Variants in ROBO1 observed in about 807,000 individuals in gnomAD.
ROBO1 encodes the protein roundabout homolog 1.
ROBO1 carries 149 observed loss-of-function variants against 195.9 expected under a neutral mutation model. The observed-to-expected ratio is 0.76, with a 90% CI of 0.67 to 0.87. ROBO1 has a LOEUF of 0.87. ROBO1 is among the 40% of genes least tolerant of loss of function. The probability of loss-of-function intolerance (pLI) is 0.00; values close to 1 mark genes in which losing one functional copy is unlikely to be tolerated. For missense variants in ROBO1, 1,933 were observed against 2,068.3 expected (o/e 0.93, Z 1.27); for synonymous variants, 816 against 733.2 (o/e 1.11, Z -1.82).
chr3:79,142,651 A>G (rs758730382), intron 2 of ROBO1, among the ~76,000 whole-genome samples: 1 of 152,122 alleles, frequency 6.6e-6, no homozygotes, highest in Non-Finnish European at 1.5e-5. Flanking sequence ...TACATTGATT[A>G]GCACATGTGT....
At chr3:78,908,972 A>C (rs1393024307) in intron 4 of ROBO1, among the ~76,000 whole-genome samples, 1 of 151,942 alleles carries the variant, frequency 6.6e-6, no homozygotes, top group African/African-American at 2.4e-5. Context: ...AACTAGAATG[A>C]ATAAAAAATA....
intron 2 of ROBO1, among the ~76,000 whole-genome samples, chr3:79,192,544 T>C (rs1319195577): frequency 6.6e-6 from 1 of 151,578 alleles, no homozygotes; most frequent in Non-Finnish European, 1.5e-5. Flanking sequence ...GAGGCTTTCA[T>C]AGGAATTATC....
At chr3:79,080,387 A>G (rs1251957969) in intron 3 of ROBO1, among the ~76,000 whole-genome samples, 2 of 152,038 alleles carry the variant, frequency 1.3e-5, no homozygotes, top group East Asian at 3.9e-4. Flanking sequence ...ATTTTACTAC[A>G]TGTTCATAAT....
intron 2 of ROBO1, among the ~76,000 whole-genome samples, chr3:79,194,467 A>G (rs1021389484): frequency 6.6e-6 from 1 of 151,662 alleles, no homozygotes; most frequent in Non-Finnish European, 1.5e-5. Flanking sequence ...ATTACAATAC[A>G]TAATTCCCAC....
At chr3:78,841,864 G>C (rs2033231033) in intron 4 of ROBO1, among the ~76,000 whole-genome samples, 4 of 152,126 alleles carry the variant, frequency 2.6e-5, no homozygotes, top group Admixed American at 2.0e-4. Context: ...CCTTTCATTA[G>C]TAACAAATCC....
At chr3:78,814,227 T>C (rs2084830947) in intron 4 of ROBO1, among the ~76,000 whole-genome samples, 1 of 152,100 alleles carries the variant, frequency 6.6e-6, no homozygotes, top group African/African-American at 2.4e-5. Flanking sequence ...CATTGCCCAA[T>C]ATTGATATAA....
intron 1 of ROBO1, among the ~76,000 whole-genome samples, chr3:79,707,231 G>A (rs886292626): frequency 6.6e-6 from 1 of 152,080 alleles, no homozygotes; most frequent in Non-Finnish European, 1.5e-5. Context: ...CTGACATATG[G>A]TGTCTTTCAA....
chr3:79,019,492 C>A, intron 3 of ROBO1: 1 of 986,242 alleles, frequency 1.0e-6, no homozygotes, highest in Non-Finnish European at 1.2e-6. Context: ...CCCCGCGGCT[C>A]CCAGTTCCCT....
At chr3:79,480,201 A>G (rs932327955) in intron 2 of ROBO1, among the ~76,000 whole-genome samples, 1 of 152,192 alleles carries the variant, frequency 6.6e-6, no homozygotes, top group Non-Finnish European at 1.5e-5. Flanking sequence ...TTAAAGAAAC[A>G]TTACAAATAT....
intron 3 of ROBO1, among the ~76,000 whole-genome samples, chr3:79,018,125 GCCCAGAGTAATCT>G: frequency 6.6e-6 from 1 of 152,108 alleles, no homozygotes; most frequent in African/African-American, 2.4e-5. Context: ...ACGTGCGTTT[GCCCAGAGTAATCT>G]GGGCGTGCCC....
intron 2 of ROBO1, among the ~76,000 whole-genome samples, chr3:79,588,685 G>A (rs1031425650): frequency 1.3e-5 from 2 of 151,558 alleles, no homozygotes; most frequent in Admixed American, 1.3e-4. Flanking sequence ...ACAGAGTTGT[G>A]GCAAGAGAAG....
At position 79,320,246 on chromosome 3, in the gene ROBO1, G is replaced by C. The variant is rs147240065; in HGVS notation, c.89-194707C>G. ...TGCACGGTGGAGTATGGGCTACAGA[G>C]CTGTGGGGTCTCTATTAAGCAGGTG... is the stretch of plus-strand genomic sequence containing the variant. On this transcript the variant is annotated intron_variant, in intron 2 of 30. Coordinates refer to ENST00000464233, the MANE Select transcript of ROBO1 (RefSeq NM_002941.4). Among the ~76,000 whole-genome samples, 578 of 152,274 alleles carry C rather than the reference G, an allele frequency of 3.8e-3. 3 individuals are homozygous for C. Among genetic ancestry groups the C allele is most frequent in the Non-Finnish European group, 6.3e-3 (429 of 68,022 alleles).
intron 2 of ROBO1, among the ~76,000 whole-genome samples, chr3:79,321,362 G>A (rs186914592): frequency 1.0e-3 from 155 of 152,256 alleles, no homozygotes; most frequent in African/African-American, 3.5e-3. Context: ...TGGACACTTT[G>A]TAGCAGGCAT....
chr3:78,658,078 A>G (rs760220090), intron 17 of ROBO1, among the ~76,000 whole-genome samples: 13 of 152,234 alleles, frequency 8.5e-5, no homozygotes, highest in Non-Finnish European at 1.5e-4. Flanking sequence ...ACAAAGAGTT[A>G]CCTGATTAAC....
At chr3:79,462,315 C>A (rs1023778239) in intron 2 of ROBO1, among the ~76,000 whole-genome samples, 1 of 152,100 alleles carries the variant, frequency 6.6e-6, no homozygotes, top group African/African-American at 2.4e-5. Flanking sequence ...ATTAAACATA[C>A]GTGCAAGTTA....
chr3:79,455,584 T>C (rs1047663698), intron 2 of ROBO1, among the ~76,000 whole-genome samples: 1 of 152,056 alleles, frequency 6.6e-6, no homozygotes, highest in African/African-American at 2.4e-5. Flanking sequence ...ACCTCAGTTG[T>C]AGTGCTCTGA....
intron 4 of ROBO1, among the ~76,000 whole-genome samples, chr3:78,858,925 C>A (rs1463025531): frequency 6.6e-6 from 1 of 152,096 alleles, no homozygotes; most frequent in Non-Finnish European, 1.5e-5. Flanking sequence ...GTAATGAAGG[C>A]AGTGTCTAAG....
At chr3:79,009,034 G>C (rs1283466612) in intron 3 of ROBO1, among the ~76,000 whole-genome samples, 1 of 151,150 alleles carries the variant, frequency 6.6e-6, no homozygotes, top group Non-Finnish European at 1.5e-5. Flanking sequence ...TCTGCCTCCC[G>C]GGTTCCAGCA....
chr3:78,769,468 C>T (rs529269737), intron 4 of ROBO1, among the ~76,000 whole-genome samples: 6 of 152,210 alleles, frequency 3.9e-5, no homozygotes, highest in African/African-American at 1.4e-4. Flanking sequence ...AGGTGAGTCT[C>T]CTGAAGGCAG....
Sources: gnomAD v4.1 joint callset for allele counts (sites outside exome capture counted in the v4.1 genomes callset) on GRCh38, gnomAD v4.1.1 for gene constraint, MANE v1.5 for transcripts, NCBI Gene and HGNC (gene_info 2026-07-23, HGNC 2026-07-21) for gene names.